Variants in PJVK observed in about 807,000 individuals in gnomAD.
PJVK encodes pejvakin.
A neutral mutation model predicts 37.6 loss-of-function variants in PJVK; 33 were observed. The observed-to-expected ratio is 0.88, with a 90% CI of 0.67 to 1.17. The LOEUF (loss-of-function observed/expected upper bound fraction) is 1.17, where lower values mean the gene tolerates loss of function less well. PJVK is among the 50% of genes most tolerant of loss of function. PJVK has a pLI of 0.00. For synonymous variants in PJVK, 141 were observed against 143.5 expected, an observed-to-expected ratio of 0.98 and a Z score of 0.13; for missense variants, 410 against 413.8, an observed-to-expected ratio of 0.99 and a Z score of 0.08.
intron 2 of PJVK, chr2:178,453,889 T>A (rs1697878893): frequency 2.5e-6 from 1 of 395,920 alleles, no homozygotes; most frequent in Non-Finnish European, 4.9e-6. Context: ...ACATATTTCT[T>A]CATCTATAAA....
chr2:178,451,816 C>G (rs893859553), intron 1 of PJVK, 47 bp downstream of exon 1: 2 of 985,444 alleles, frequency 2.0e-6, no homozygotes, highest in South Asian at 4.7e-5. Context: ...GAAGGCCTTT[C>G]CGGGGACCTG....
At chr2:178,452,768 T>C (rs2154125821) in intron 1 of PJVK, 1 of 291,736 alleles carries the variant, frequency 3.4e-6, no homozygotes, top group East Asian at 1.7e-4. Context: ...TTATATGTAA[T>C]GTGGCTTTAT....
rs1683923615 is a variant in PJVK, at chr2:178,454,859, G to A, written c.407+332G>A. 2.9e-6 allele frequency: 3 copies of A among 1,023,186 alleles called. No individual in the cohort carries two copies. The Admixed American group carries it at 5.1e-5, about 17-fold the overall frequency. 63.4% of individuals were successfully genotyped at this position (1,023,186 alleles called of 1,614,324 possible). ...GCAGCCTTGACTCCCCAGGGAAGCA[G>A]AAGACTGAGGAAGATGAGGAGGAGG... On this transcript the variant is annotated intron_variant, in intron 3 of 6. Transcript: ENST00000644580.
At chr2:178,457,126 G>T (rs891563142) in intron 4 of PJVK, among the ~76,000 whole-genome samples, 1 of 152,044 alleles carries the variant, frequency 6.6e-6, no homozygotes, top group African/African-American at 2.4e-5. Flanking sequence ...CTGCCACCAC[G>T]CCCGGCAGTG....
chr2:178,457,926 C>T (rs943490077), intron 4 of PJVK, among the ~76,000 whole-genome samples: 2 of 152,154 alleles, frequency 1.3e-5, no homozygotes, highest in Non-Finnish European at 2.9e-5. Context: ...TTATCTTTGT[C>T]ATTCAGTGAC....
At chr2:178,455,135 A>C in intron 3 of PJVK, 1 of 1,601,292 alleles carries the variant, frequency 6.2e-7, no homozygotes, top group Non-Finnish European at 8.6e-7. Context: ...CTCGTGGCTC[A>C]TTGAGGACGG....
rs1234979168 is a variant in PJVK at position 178,453,628 on chromosome 2, T to A, written c.211+8T>A. On this transcript the variant is annotated splice_region_variant and intron_variant, in intron 2 of 6. Coordinates refer to ENST00000644580, the MANE Select transcript of PJVK (RefSeq NM_001042702.5). ...ACAGAGAAATTTCAGCTGGTAAGTT[T>A]AAATGTTTGGGAGTGCCAACTCATT... 3.1e-6 allele frequency: 5 copies of A among 1,606,350 alleles called. No individual in the cohort carries two copies. Among genetic ancestry groups the A allele is most frequent in the African/African-American group, 1.3e-5 (1 of 74,790 alleles).
In PJVK at chr2:178,458,552, G is replaced by C. The variant is rs1261858424; in HGVS notation, c.592G>C (p.Ala198Pro). 2 of 1,613,996 alleles carry C rather than the reference G, an allele frequency of 1.2e-6. No individual in the cohort carries two copies. Among genetic ancestry groups the C allele is most frequent in the Admixed American group, 1.7e-5 (1 of 60,014 alleles). ...ACAGAATCCCAAGGGAAGGGACAAA[G>C]CTATTGTTTTCCCAGCACATACAAC... ...DEQNPKGRDK[A>P]IVFPAHTTIA... The change falls in exon 5 of 7, where the codon GCT (alanine) becomes CCT (proline). Residue 198 changes from alanine to proline, a missense_variant. By Grantham distance (27) the Ala-to-Pro change is conservative (BLOSUM62 -1). Coordinates refer to ENST00000644580, the MANE Select transcript of PJVK (RefSeq NM_001042702.5).
rs111706634 is a variant in PJVK at position 178,456,149 on chromosome 2, C to T, written c.547C>T (p.Arg183Trp). ...VHAGIRGEAMRFHFMDEQNPK... is the reference protein window; with the variant it reads ...VHAGIRGEAMWFHFMDEQNPK... ...TGCTGGAATTCGAGGGGAAGCAATG[C>T]GGGTAAACCACACTTGTTGGGTTCT... The change falls in exon 4 of 7, where the codon CGG becomes TGG. Residue 183 changes from arginine to tryptophan, a missense_variant and splice_region_variant. Arg to Trp is a moderately radical substitution (Grantham distance 101, BLOSUM62 -3). Transcript: ENST00000644580. 12 of 1,613,576 alleles carry T rather than the reference C, an allele frequency of 7.4e-6. No individual in the cohort carries two copies. The highest frequency in any genetic ancestry group is 1.7e-5 in the Admixed American group (1 of 59,956).
At position 178,460,426 on chromosome 2, in the gene PJVK, G is replaced by C; in HGVS notation, c.746G>C (p.Arg249Thr). ...TATFALLYRL[R>T]NILFERNRRV... ...ACATTTGCACTGCTGTACAGGTTGAGAAATATCCTATTTGAAAGAAGTATG... is the reference window on the plus strand; with the variant it reads ...ACATTTGCACTGCTGTACAGGTTGACAAATATCCTATTTGAAAGAAGTATG... Residue 249 changes from arginine (R) to threonine (T), a missense_variant, in exon 6 of 7, where the codon AGA (arginine) becomes ACA (threonine). By Grantham distance (71) the Arg-to-Thr change is moderately conservative (BLOSUM62 -1). Coordinates refer to ENST00000644580, the MANE Select transcript of PJVK (RefSeq NM_001042702.5). 1 of 1,613,938 alleles carries C rather than the reference G, an allele frequency of 6.2e-7. No homozygotes were observed. Among genetic ancestry groups the C allele is most frequent in the South Asian group, 1.1e-5 (1 of 91,074 alleles).
intron 3 of PJVK, chr2:178,455,081 A>C: frequency 1.3e-6 from 2 of 1,532,030 alleles, no homozygotes; most frequent in Non-Finnish European, 1.8e-6. Flanking sequence ...GCAGCCAGCG[A>C]TCATCGATGG....
At position 178,453,558 on chromosome 2, in the gene PJVK, A is replaced by G. The variant is rs1183174619; in HGVS notation, c.149A>G (p.Lys50Arg). 1 of 1,614,108 alleles carries G rather than the reference A, an allele frequency of 6.2e-7. No homozygotes were observed. The highest frequency in any genetic ancestry group is 1.7e-5 in the Admixed American group (1 of 60,016). The change falls in exon 2 of 7, where the codon AAA becomes AGA. Residue 50 changes from lysine (K) to arginine (R), a missense_variant. By Grantham distance (26) the Lys-to-Arg change is conservative. Transcript: ENST00000644580. Reference protein sequence around the residue: ...KKRCFLFPRYKFTSTPFTLKD... With the variant: ...KKRCFLFPRYRFTSTPFTLKD... ...CGATGCTTTCTGTTTCCTAGATATA[A>G]ATTTACTTCAACACCTTTTACACTG... is the stretch of plus-strand genomic sequence containing the variant.
At chr2:178,456,841 G>A (rs888054052) in intron 4 of PJVK, among the ~76,000 whole-genome samples, 2 of 152,082 alleles carry the variant, frequency 1.3e-5, no homozygotes, top group Non-Finnish European at 1.5e-5. Flanking sequence ...TAATCCTTGT[G>A]AAATTACATG....
At chr2:178,457,273 T>C (rs528600672) in intron 4 of PJVK, among the ~76,000 whole-genome samples, 31 of 152,336 alleles carry the variant, frequency 2.0e-4, no homozygotes, top group Non-Finnish European at 4.0e-4. Context: ...TCAAAGTTAA[T>C]ATTATCAATG....
chr2:178,454,963 C>A (rs1683936852), intron 3 of PJVK: 2 of 931,276 alleles, frequency 2.1e-6, no homozygotes, highest in Admixed American at 1.7e-5. Context: ...TGGACCAAGA[C>A]CCTGTCGGAG....
intron 3 of PJVK, 42 bp from the exon 4 acceptor site, chr2:178,455,968 T>C: frequency 6.2e-7 from 1 of 1,604,800 alleles, no homozygotes; most frequent in South Asian, 1.1e-5. Flanking sequence ...TATGTGTAAT[T>C]AGATGTTATA....
Position 178,456,135 on chromosome 2 carries a change from G to A in PJVK, c.533G>A (p.Arg178Gln), listed in dbSNP as rs774835320. 1.4e-5 allele frequency: 23 copies of A among 1,613,916 alleles called. No homozygotes were observed. The highest frequency in any genetic ancestry group is 8.9e-5 in the East Asian group (4 of 44,894). ...TCACTGTCTGTGCATGCTGGAATTC[G>A]AGGGGAAGCAATGCGGGTAAACCAC... Reference protein sequence around the residue: ...QCSLSVHAGIRGEAMRFHFMD... With the variant: ...QCSLSVHAGIQGEAMRFHFMD... The change falls in exon 4 of 7, where the codon CGA becomes CAA. Residue 178 changes from arginine to glutamine, a missense_variant. Coordinates refer to ENST00000644580, the MANE Select transcript of PJVK (RefSeq NM_001042702.5).
At chr2:178,454,767 G>A in intron 3 of PJVK, 2 of 1,581,024 alleles carry the variant, frequency 1.3e-6, no homozygotes, top group Non-Finnish European at 8.6e-7. Flanking sequence ...TGAAGAGGCA[G>A]AGAGGCTGCA....
intron 4 of PJVK, chr2:178,456,385 C>A: frequency 1.8e-6 from 1 of 554,526 alleles, no homozygotes; most frequent in Non-Finnish European, 3.2e-6. Context: ...TGTGAAATTA[C>A]GTGCATACTG....
Sources: allele counts gnomAD v4.1 joint callset (sites outside exome capture counted in the v4.1 genomes callset), GRCh38; gene constraint gnomAD v4.1.1; transcripts MANE v1.5; gene names NCBI Gene and HGNC (gene_info 2026-07-23, HGNC 2026-07-21).